ZDHHC21: variants seen among roughly 807,000 people sequenced by gnomAD.
ZDHHC21 encodes palmitoyltransferase ZDHHC21.
Under a neutral mutation model 34.6 loss-of-function variants are expected in ZDHHC21, and 15 were observed. The observed-to-expected ratio is 0.43, with a 90% CI of 0.29 to 0.67. The LOEUF is 0.67. Among genes scored for constraint, ZDHHC21 ranks in the 30% least tolerant of loss-of-function variants. The pLI, the probability that ZDHHC21 is intolerant of heterozygous loss-of-function variation, is 0.14. For missense variants in ZDHHC21, 344 were observed against 327.7 expected (o/e 1.05, Z -0.38); for synonymous variants, 142 against 101.8 (o/e 1.40, Z -2.38).
chr9:14,623,989 T>C (rs763652586), intron 8 of ZDHHC21, among the ~76,000 whole-genome samples: 10 of 152,092 alleles, frequency 6.6e-5, no homozygotes, highest in South Asian at 2.1e-4. Context: ...AAAACTACTA[T>C]ATGATCCAGC....
chr9:14,691,486 G>C (rs950648808), intron 1 of ZDHHC21, among the ~76,000 whole-genome samples: 1 of 152,220 alleles, frequency 6.6e-6, no homozygotes, highest in Non-Finnish European at 1.5e-5. Flanking sequence ...TTAAAGAAAT[G>C]AGGCAGTAGG....
At chr9:14,636,019 G>C (rs1828248049) in intron 8 of ZDHHC21, among the ~76,000 whole-genome samples, 1 of 152,052 alleles carries the variant, frequency 6.6e-6, no homozygotes, top group African/African-American at 2.4e-5. Flanking sequence ...AAAACAATCA[G>C]AAATCAATTA....
At chr9:14,652,359 T>G (rs534842392) in intron 7 of ZDHHC21, among the ~76,000 whole-genome samples, 1 of 151,930 alleles carries the variant, frequency 6.6e-6, no homozygotes, top group Non-Finnish European at 1.5e-5. Context: ...AATTTGGGCA[T>G]TGATTCATGA....
At chr9:14,650,457 G>C (rs1444422345) in intron 7 of ZDHHC21, among the ~76,000 whole-genome samples, 1 of 151,652 alleles carries the variant, frequency 6.6e-6, no homozygotes, top group Non-Finnish European at 1.5e-5. Context: ...GTGTATTTTA[G>C]CAATTTTTTT....
At chr9:14,606,310 G>C (rs1823013669), downstream of ZDHHC21, among the ~76,000 whole-genome samples, 2 of 152,154 alleles carry the variant, frequency 1.3e-5, no homozygotes, top group Admixed American at 1.3e-4. Flanking sequence ...GTGACAAAAA[G>C]TGACATAGTT....
intron 2 of ZDHHC21, among the ~76,000 whole-genome samples, chr9:14,682,252 G>C (rs1837515935): frequency 6.6e-6 from 1 of 152,128 alleles, no homozygotes; most frequent in Admixed American, 6.5e-5. Flanking sequence ...TGGCAAATTG[G>C]ATAAAGAGTC....
chr9:14,691,286 G>GT (rs774512735), intron 1 of ZDHHC21, among the ~76,000 whole-genome samples: 4 of 152,148 alleles, frequency 2.6e-5, no homozygotes, highest in Non-Finnish European at 5.9e-5. Flanking sequence ...ACCCAAAGAG[G>GT]TTTTCGGGAA....
At chr9:14,673,630 T>C (rs1471753538) in intron 4 of ZDHHC21, among the ~76,000 whole-genome samples, 2 of 151,662 alleles carry the variant, frequency 1.3e-5, no homozygotes, top group African/African-American at 4.8e-5. Context: ...ATATATAAAA[T>C]TTCCCATGGT....
At chr9:14,674,555 A>T (rs1836020528) in intron 3 of ZDHHC21, among the ~76,000 whole-genome samples, 170 bp from the exon 4 acceptor site, 1 of 152,032 alleles carries the variant, frequency 6.6e-6, no homozygotes, top group Non-Finnish European at 1.5e-5. Flanking sequence ...TTTTTACAAT[A>T]AATACTTGGG....
intron 7 of ZDHHC21, among the ~76,000 whole-genome samples, chr9:14,643,822 C>G (rs1829816665): frequency 6.6e-6 from 1 of 152,136 alleles, no homozygotes; most frequent in Non-Finnish European, 1.5e-5. Flanking sequence ...ATCAAGTATC[C>G]ATACATGCAT....
At chr9:14,604,042 T>C in the ZDHHC21 span, among the ~76,000 whole-genome samples, 5 of 152,152 alleles carry the variant, frequency 3.3e-5, no homozygotes, top group Admixed American at 2.0e-4. Context: ...GCAAATCGAT[T>C]GGACTGACAA....
intron 8 of ZDHHC21, among the ~76,000 whole-genome samples, chr9:14,636,669 T>C (rs1828362931): frequency 6.6e-6 from 1 of 152,136 alleles, no homozygotes; most frequent in Non-Finnish European, 1.5e-5. Flanking sequence ...AAAACAAGTC[T>C]CAAGAAACAT....
Position 14,615,710 on chromosome 9 carries a change from T to C in ZDHHC21, c.*3256A>G, listed in dbSNP as rs979433404. 2.0e-5 allele frequency: 3 copies of C among 151,604 alleles called. No homozygotes were observed. The highest frequency in any genetic ancestry group is 6.6e-5 in the Admixed American group (1 of 15,166). 9.4% of individuals were successfully genotyped at this position (151,604 alleles called of 1,614,324 possible). A position where few individuals can be genotyped will look rare whatever the true frequency, so the allele number is the denominator to read the frequency against. ...GCCTACATGAAGCCCATAAACATTT[T>C]TGTTTGCAGAAAACAACAATGACAA... On this transcript the variant is annotated 3_prime_UTR_variant, in exon 10 of 10. Coordinates refer to ENST00000380916, the MANE Select transcript of ZDHHC21 (RefSeq NM_178566.6).
intron 8 of ZDHHC21, among the ~76,000 whole-genome samples, chr9:14,635,796 G>A (rs1033285507): frequency 1.3e-5 from 2 of 152,122 alleles, no homozygotes; most frequent in African/African-American, 2.4e-5. Context: ...GGGAGGTGGA[G>A]GTTGCAGTGA....
In ZDHHC21 at chr9:14,616,675, C is replaced by T. The variant is rs1824243626; in HGVS notation, c.*2291G>A. 6.6e-6 allele frequency: 1 copy of T among 151,708 alleles called. No individual in the cohort carries two copies. The highest frequency in any genetic ancestry group is 2.4e-5 in the African/African-American group (1 of 41,360). 9.4% of individuals were successfully genotyped at this position (151,708 alleles called of 1,614,324 possible). ...AAAACCCACAGGAGAGTTAGGTACG[C>T]TAACTGGGGAATACTGAAAGTTACA... On this transcript the variant is annotated 3_prime_UTR_variant, in exon 10 of 10. Coordinates refer to ENST00000380916, the MANE Select transcript of ZDHHC21 (RefSeq NM_178566.6).
chr9:14,658,913 C>G, intron 6 of ZDHHC21, 26 bp from the exon 7 acceptor site: 1 of 1,590,350 alleles, frequency 6.3e-7, no homozygotes, highest in South Asian at 1.1e-5. Flanking sequence ...GAAAAAGAAA[C>G]AATATTTTAA....
At chr9:14,631,050 C>T (rs1260161622) in intron 8 of ZDHHC21, among the ~76,000 whole-genome samples, 1 of 152,174 alleles carries the variant, frequency 6.6e-6, no homozygotes, top group East Asian at 1.9e-4. Context: ...TCAGTCTGTC[C>T]TGTACCTTGA....
intron 8 of ZDHHC21, among the ~76,000 whole-genome samples, chr9:14,629,483 G>C (rs575663222): frequency 6.6e-6 from 1 of 152,210 alleles, no homozygotes; most frequent in East Asian, 1.9e-4. Context: ...AATGAAGCGA[G>C]TATTGCAATA....
intron 8 of ZDHHC21, among the ~76,000 whole-genome samples, chr9:14,621,256 C>T (rs914151269): frequency 6.6e-6 from 1 of 151,996 alleles, no homozygotes; most frequent in Non-Finnish European, 1.5e-5. Context: ...CACTTAAAAA[C>T]TATAAACTAT....
Sources: gnomAD v4.1 joint callset for allele counts (sites outside exome capture counted in the v4.1 genomes callset) on GRCh38, gnomAD v4.1.1 for gene constraint, MANE v1.5 for transcripts, NCBI Gene and HGNC (gene_info 2026-07-23, HGNC 2026-07-21) for gene names.